DNAH5: variants seen among roughly 807,000 people sequenced by gnomAD.
DNAH5 encodes dynein axonemal heavy chain 5, also known as axonemal beta dynein heavy chain 5.
A neutral mutation model predicts 518.2 loss-of-function variants in DNAH5; 372 were observed. The ratio of observed to expected loss-of-function variants is 0.72; its 90% CI spans 0.66 to 0.78. The LOEUF (loss-of-function observed/expected upper bound fraction) is 0.78, where lower values mean the gene tolerates loss of function less well. DNAH5 is among the 30% of genes least tolerant of loss of function. DNAH5 has a pLI of 0.00. For missense variants in DNAH5, 5,523 were observed against 5,687.0 expected, an observed-to-expected ratio of 0.97 and a Z score of 0.93; for synonymous variants, 2,039 against 2,025.9, an observed-to-expected ratio of 1.01 and a Z score of -0.17.
At chr5:13,841,607 C>A (rs1354224578) in intron 33 of DNAH5, 85 bp downstream of exon 33, 10 of 1,049,410 alleles carry the variant, frequency 9.5e-6, no homozygotes, top group Middle Eastern at 2.1e-4. Flanking sequence ...TAAATTATAG[C>A]CATTTTTGAA....
chr5:13,715,606 G>A (rs1230900437), intron 74 of DNAH5, among the ~76,000 whole-genome samples: 2 of 152,170 alleles, frequency 1.3e-5, no homozygotes, highest in Non-Finnish European at 2.9e-5. Context: ...GGGCTGTTAT[G>A]TTTTAGTTTG....
intron 39 of DNAH5, 152 bp downstream of exon 39, chr5:13,824,047 A>T (rs1211108120): frequency 5.0e-6 from 4 of 805,364 alleles, no homozygotes; most frequent in African/African-American, 3.4e-5. Context: ...ATGTCTGAAA[A>T]AGTATAATTT....
Position 13,730,889 on chromosome 5 carries a change from G to A in DNAH5, c.11762-1329C>T, listed in dbSNP as rs142701706. ...CTAATTTTGTATTTTTAGTAGAGGC[G>A]GGGTTTCTCCACGTTTGTCAGGCTG... is the stretch of plus-strand genomic sequence containing the variant. On this transcript the variant is annotated intron_variant, in intron 68 of 78. Transcript: ENST00000265104. 2.1e-3 allele frequency among the ~76,000 whole-genome samples: 325 copies of A among 151,888 alleles called. 1 individual carries two copies. The highest frequency in any genetic ancestry group is 7.5e-3 in the African/African-American group (310 of 41,418).
intron 47 of DNAH5, among the ~76,000 whole-genome samples, chr5:13,802,512 T>TCG (rs1359913895): frequency 1.3e-5 from 2 of 152,200 alleles, no homozygotes; most frequent in Admixed American, 1.3e-4. Flanking sequence ...TGGAAACTAA[T>TCG]CGGCTCCTCC....
rs1025381931 is a variant in DNAH5, at chr5:13,691,655, G to A, written c.*329C>T. On this transcript the variant is annotated 3_prime_UTR_variant, in exon 79 of 79. Transcript: ENST00000265104. ...GTTAACAGAAGAATAATTCCTCCCA[G>A]AGAAATACTGTCTGCTTACCCTAGT... 3.4e-6 allele frequency: 1 copy of A among 292,580 alleles called. No homozygotes were observed. The highest frequency in any genetic ancestry group is 6.6e-6 in the Non-Finnish European group (1 of 152,658). The allele number at this position is 292,580 out of a possible 1,614,324, so 18.1% of individuals were successfully genotyped here.
At chr5:13,848,384 C>G (rs1186848958) in intron 31 of DNAH5, among the ~76,000 whole-genome samples, 1 of 152,176 alleles carries the variant, frequency 6.6e-6, no homozygotes, top group Non-Finnish European at 1.5e-5. Context: ...CTTTTTGCCA[C>G]CAGGGACCAA....
chr5:13,752,223 A>C lies in DNAH5; in HGVS notation c.10939T>G (p.Leu3647Val). 1 of 1,614,054 alleles carries C rather than the reference A, an allele frequency of 6.2e-7. No homozygotes were observed. Among genetic ancestry groups the C allele is most frequent in the Non-Finnish European group, 8.5e-7 (1 of 1,179,954 alleles). ...TCCTCTCCAACATCTTCAATAAGCA[A>C]AGGCCTTCCAAGAGAAAGGCTGTCT... is the stretch of plus-strand genomic sequence containing the variant. ...LEDSLSLGRP[L>V]LIEDVGEELD... The change falls in exon 64 of 79, where the codon TTG (leucine) becomes GTG (valine). Residue 3647 changes from leucine to valine, a missense_variant. Physicochemically the swap from Leu to Val is conservative, Grantham distance 32. This residue lies in a region of DNAH5 where 5,121 missense variants were observed against 5,223.3 expected (regional missense o/e 0.98). Transcript: ENST00000265104.
chr5:13,805,066 T>G (rs566300917), intron 47 of DNAH5, among the ~76,000 whole-genome samples: 11 of 151,934 alleles, frequency 7.2e-5, no homozygotes, highest in Non-Finnish European at 1.3e-4. Flanking sequence ...ATTTCCTGAG[T>G]GATAGAAAGG....
Position 13,916,248 on chromosome 5 carries a change from T to C in DNAH5, c.1197+100A>G, listed in dbSNP as rs997298617. 2.6e-5 allele frequency: 17 copies of C among 662,426 alleles called. No individual in the cohort carries two copies. The African/African-American group carries it at 2.7e-4, about 11-fold the overall frequency. 41.0% of individuals were successfully genotyped at this position (662,426 alleles called of 1,614,324 possible). ...AGCCTTTTTAAAATTTTAAGATACATACATATTGAACTGAGCCAATGTGGT... is the reference window on the plus strand; with the variant it reads ...AGCCTTTTTAAAATTTTAAGATACACACATATTGAACTGAGCCAATGTGGT... On this transcript the variant is annotated intron_variant, in intron 9 of 78. Coordinates refer to ENST00000265104, the MANE Select transcript of DNAH5 (RefSeq NM_001369.3).
At chr5:13,869,410 G>A (rs745924259) in intron 24 of DNAH5, among the ~76,000 whole-genome samples, 1 of 151,950 alleles carries the variant, frequency 6.6e-6, no homozygotes, top group Non-Finnish European at 1.5e-5. Context: ...TTCATCTGGA[G>A]GTTAACAGCA....
At chr5:13,747,920 T>C (rs1341442684) in intron 65 of DNAH5, among the ~76,000 whole-genome samples, 1 of 152,256 alleles carries the variant, frequency 6.6e-6, no homozygotes, top group Non-Finnish European at 1.5e-5. Context: ...TTGTTGCCAT[T>C]GCTTTTGGTG....
At chr5:13,730,466 G>T (rs1746334292) in intron 68 of DNAH5, among the ~76,000 whole-genome samples, 2 of 151,686 alleles carry the variant, frequency 1.3e-5, no homozygotes, top group Non-Finnish European at 2.9e-5. Flanking sequence ...ATGGAGTCTC[G>T]TTCTGTAGCC....
At chr5:13,744,879 T>C (rs1041280252) in intron 65 of DNAH5, among the ~76,000 whole-genome samples, 1 of 152,120 alleles carries the variant, frequency 6.6e-6, no homozygotes, top group African/African-American at 2.4e-5. Context: ...TTTTGTACTT[T>C]ACACTAGTAA....
At chr5:13,964,620 C>T (rs1232326886) in intron 1 of DNAH5, among the ~76,000 whole-genome samples, 1 of 152,206 alleles carries the variant, frequency 6.6e-6, no homozygotes, top group Non-Finnish European at 1.5e-5. Context: ...ATCATTCCCT[C>T]CTGATTCCAA....
intron 76 of DNAH5, among the ~76,000 whole-genome samples, chr5:13,706,257 T>C (rs929586867): frequency 2.0e-5 from 3 of 152,236 alleles, no homozygotes; most frequent in African/African-American, 7.2e-5. Context: ...CATGCCTGCA[T>C]TTCTGTCTTG....
intron 60 of DNAH5, among the ~76,000 whole-genome samples, chr5:13,760,735 G>T (rs1205570928): frequency 6.6e-6 from 1 of 152,210 alleles, no homozygotes; most frequent in African/African-American, 2.4e-5. Context: ...GTGTCTAAGA[G>T]ATTCCACCTG....
chr5:13,865,188 T>C (rs1197238096), intron 27 of DNAH5, among the ~76,000 whole-genome samples: 1 of 151,802 alleles, frequency 6.6e-6, no homozygotes, highest in Non-Finnish European at 1.5e-5. Flanking sequence ...AGAGATGGGG[T>C]TTCACCATGT....
chr5:13,862,776 T>C lies in DNAH5; in HGVS notation c.4597-29A>G, dbSNP rs371689616. On this transcript the variant is annotated intron_variant, in intron 28 of 78. Coordinates refer to ENST00000265104, the MANE Select transcript of DNAH5 (RefSeq NM_001369.3). ...TCAAAATGGCAAGCTCTCATGTTAT[T>C]GCATGAAAGTCACACGTCCTTCCTT... The C allele has an allele frequency of 5.0e-6, 8 of 1,588,746 alleles. No homozygotes were observed. In the African/African-American group the frequency reaches 1.1e-4, roughly 21 times the overall value.
chr5:13,958,823 T>G (rs956638677), intron 1 of DNAH5, among the ~76,000 whole-genome samples: 1 of 152,232 alleles, frequency 6.6e-6, no homozygotes, highest in African/African-American at 2.4e-5. Flanking sequence ...GTGCCATAGA[T>G]AGTTAACAAA....
Sources: gnomAD v4.1 joint callset for allele counts (sites outside exome capture counted in the v4.1 genomes callset) on GRCh38, gnomAD v4.1.1 for gene constraint, gnomAD v4.1.1 regional missense constraint, MANE v1.5 for transcripts, NCBI Gene and HGNC (gene_info 2026-07-23, HGNC 2026-07-21) for gene names.